The following AQP12B variants were observed in gnomAD, a reference collection of about 807,000 sequenced individuals.
AQP12B encodes putative aquaporin-12B.
AQP12B carries 8 observed loss-of-function variants against 11.5 expected under a neutral mutation model. The observed-to-expected ratio is 0.70, with a 90% confidence interval of 0.41 to 1.26. AQP12B has a LOEUF of 1.26. Ranked by LOEUF, AQP12B falls within the 50% of genes most tolerant of loss-of-function variation. The pLI is 0.01. For missense variants in AQP12B, 247 were observed against 322.0 expected, an observed-to-expected ratio of 0.77 and a Z score of 1.78; for synonymous variants, 123 against 158.0, an observed-to-expected ratio of 0.78 and a Z score of 1.66.
At position 240,682,876 on chromosome 2, in the gene AQP12B, C is replaced by G; in HGVS notation, c.-39G>C. 2 of 1,564,750 alleles carry G rather than the reference C, an allele frequency of 1.3e-6. No homozygotes were observed. Among genetic ancestry groups the G allele is most frequent in the Non-Finnish European group, 1.7e-6 (2 of 1,153,052 alleles). On this transcript the variant is annotated 5_prime_UTR_variant, in exon 1 of 3. Transcript: ENST00000407834. ...CCGAGATGCTGTGCCTGCAGGACACCTGAGGGGACAGAGCAGGAGCTGGCC... is the reference window on the plus strand; with the variant it reads ...CCGAGATGCTGTGCCTGCAGGACACGTGAGGGGACAGAGCAGGAGCTGGCC...
At chr2:240,683,265 A>C (rs1427423948), upstream of AQP12B, among the ~76,000 whole-genome samples, 1 of 148,040 alleles carries the variant, frequency 6.8e-6, no homozygotes. Context: ...CTGCCTGAAC[A>C]AGGGCCCCCA....
In AQP12B at chr2:240,682,714, C is replaced by T. The variant is rs550046466; in HGVS notation, c.124G>A (p.Val42Met). ...GAYEVFAREAVGAVQLGACFL... is the reference protein window; with the variant it reads ...GAYEVFAREAMGAVQLGACFL... ...CAGGCCCCGAGCTGCACCGCGCCCA[C>T]CGCCTCCCGGGCGAAGACTTCATAG... The change falls in exon 1 of 3, where the codon GTG (valine) becomes ATG (methionine). Residue 42 changes from valine to methionine, a missense_variant. By Grantham distance (21) the Val-to-Met change is conservative (BLOSUM62 1). This residue lies in a region of AQP12B where 206 missense variants were observed against 173.2 expected (regional missense o/e 1.19). Transcript: ENST00000407834. The T allele has an allele frequency of 1.9e-6, 3 of 1,613,524 alleles. No individual in the cohort carries two copies. The African/African-American group carries it at 4.0e-5, about 22-fold the overall frequency.
At chr2:240,682,935 G>A (rs1205489787), upstream of AQP12B, 6 of 1,503,882 alleles carry the variant, frequency 4.0e-6, no homozygotes, top group Admixed American at 5.6e-5. Flanking sequence ...AGGCGTGTGG[G>A]AGAGGGCACC....
At position 240,682,650 on chromosome 2, in the gene AQP12B, C is replaced by G. The variant is rs1242543117; in HGVS notation, c.188G>C (p.Trp63Ser). The change falls in exon 1 of 3, where the codon TGG becomes TCG. Residue 63 changes from tryptophan to serine, a missense_variant. By Grantham distance (177) the Trp-to-Ser change is radical (BLOSUM62 -3). Transcript: ENST00000407834. ...EMRTLVELGPWAGDFGPDLLL... is the reference protein window; with the variant it reads ...EMRTLVELGPSAGDFGPDLLL... ...CAGGTCAGGCCCAAAGTCCCCAGCC[C>G]AGGGCCCGAGCTCGACCAGCGTCCT... 4 of 1,613,494 alleles carry G rather than the reference C, an allele frequency of 2.5e-6. No individual in the cohort carries two copies. The African/African-American group carries it at 4.0e-5, about 16-fold the overall frequency.
chr2:240,682,789 G>T lies in AQP12B; in HGVS notation c.49C>A (p.Leu17Ile). The T allele has an allele frequency of 6.2e-7, 1 of 1,608,352 alleles. No individual in the cohort carries two copies. The highest frequency in any genetic ancestry group is 8.5e-7 in the Non-Finnish European group (1 of 1,177,416). Residue 17 changes from leucine (L) to isoleucine (I), a missense_variant, in exon 1 of 3, where the codon CTC becomes ATC. Transcript: ENST00000407834. ...SLSFFFATFTLCEAARRASKA... is the reference protein window; with the variant it reads ...SLSFFFATFTICEAARRASKA... ...GAGGCCCGCCTGGCTGCCTCACAGA[G>T]GGTGAAGGTGGCAAAGAAGAAGGAG...
chr2:240,682,664 G>C lies in AQP12B; in HGVS notation c.174C>G (p.Val58=), dbSNP rs200034703. 9 of 1,613,474 alleles carry C rather than the reference G, an allele frequency of 5.6e-6. No homozygotes were observed. Among genetic ancestry groups the C allele is most frequent in the African/African-American group, 1.3e-5 (1 of 75,020 alleles). ...AGTCCCCAGCCCAGGGCCCGAGCTC[G>C]ACCAGCGTCCTCATCTCCAGGAAGC... The part of the protein sequence containing the change: ...GACFLEMRTL[V]ELGPWAGDFG... The change falls in exon 1 of 3, where the codon GTC becomes GTG. Residue 58 remains valine (V), a synonymous_variant. Transcript: ENST00000407834.
chr2:240,683,108 G>T (rs1167380326), upstream of AQP12B, among the ~76,000 whole-genome samples: 1 of 151,230 alleles, frequency 6.6e-6, no homozygotes, highest in Non-Finnish European at 1.5e-5. Context: ...AGCCCTGGGC[G>T]CTGGAGACTG....
upstream of AQP12B, among the ~76,000 whole-genome samples, chr2:240,683,143 C>T (rs532674264): frequency 1.4e-4 from 21 of 151,120 alleles, no homozygotes; most frequent in East Asian, 3.1e-3. Context: ...AGCCTCCATC[C>T]GAGCTCCGCT....
rs1215338305 is a variant in AQP12B, at chr2:240,682,777, C to A, written c.61G>T (p.Ala21Ser). ...AGCAGGGCCTTGGAGGCCCGCCTGGCTGCCTCACAGAGGGTGAAGGTGGCA... is the reference window on the plus strand; with the variant it reads ...AGCAGGGCCTTGGAGGCCCGCCTGGATGCCTCACAGAGGGTGAAGGTGGCA... Reference protein sequence around the residue: ...FFATFTLCEAARRASKALLPV... With the variant: ...FFATFTLCEASRRASKALLPV... The change falls in exon 1 of 3, where the codon GCC becomes TCC. Residue 21 changes from alanine (A) to serine (S), a missense_variant. Ala to Ser is a moderately conservative substitution (Grantham distance 99). This residue lies in a region of AQP12B where 206 missense variants were observed against 173.2 expected (regional missense o/e 1.19). Coordinates refer to ENST00000407834, the MANE Select transcript of AQP12B (RefSeq NM_001102467.2). 16 of 1,610,366 alleles carry A rather than the reference C, an allele frequency of 9.9e-6. No homozygotes were observed. Among genetic ancestry groups the A allele is most frequent in the Non-Finnish European group, 1.4e-5 (16 of 1,178,822 alleles).
upstream of AQP12B, among the ~76,000 whole-genome samples, chr2:240,683,116 C>T (rs1257056869): frequency 6.6e-6 from 1 of 151,248 alleles, no homozygotes; most frequent in African/African-American, 2.4e-5. Context: ...GCGCTGGAGA[C>T]TGGCCCAGCT....
upstream of AQP12B, among the ~76,000 whole-genome samples, chr2:240,683,553 G>A (rs1479796880): frequency 5.3e-5 from 8 of 151,680 alleles, no homozygotes; most frequent in African/African-American, 7.3e-5. Context: ...ACGTGGCTGC[G>A]TCCCTGCCTA....
chr2:240,682,470 T>G lies in AQP12B; in HGVS notation c.368A>C (p.Gln123Pro), dbSNP rs2043941190. 6.2e-7 allele frequency: 1 copy of G among 1,610,708 alleles called. No homozygotes were observed. The highest frequency in any genetic ancestry group is 1.1e-5 in the South Asian group (1 of 90,992). ...LKLAAQGLGM[Q>P]AACTLTRLCW... is the part of the protein sequence containing the mutation. Reference sequence around the variant, plus strand: ...GAGGCGCGTCAGGGTGCAGGCGGCCTGCATGCCCAGCCCCTGTGCCGCCAG... The same window carrying G: ...GAGGCGCGTCAGGGTGCAGGCGGCCGGCATGCCCAGCCCCTGTGCCGCCAG... The change falls in exon 1 of 3, where the codon CAG becomes CCG. Residue 123 changes from glutamine to proline, a missense_variant. By Grantham distance (76) the Gln-to-Pro change is moderately conservative. This residue lies in a region of AQP12B where 206 missense variants were observed against 173.2 expected (regional missense o/e 1.19). Coordinates refer to ENST00000407834, the MANE Select transcript of AQP12B (RefSeq NM_001102467.2).
upstream of AQP12B, among the ~76,000 whole-genome samples, chr2:240,683,094 G>C (rs1173093084): frequency 6.6e-6 from 1 of 151,286 alleles, no homozygotes; most frequent in South Asian, 2.2e-4. Context: ...GGCCACGCTC[G>C]GCCAGCCCTG....
upstream of AQP12B, among the ~76,000 whole-genome samples, chr2:240,683,537 C>T (rs1260958147): frequency 3.3e-5 from 5 of 152,042 alleles, no homozygotes; most frequent in African/African-American, 1.2e-4. Context: ...AGGCCAGGCC[C>T]CCTGCACGTG....
At chr2:240,683,394 C>T (rs1211523722), upstream of AQP12B, among the ~76,000 whole-genome samples, 1 of 138,772 alleles carries the variant, frequency 7.2e-6, no homozygotes, top group Non-Finnish European at 1.7e-5. Flanking sequence ...GTGTGTCCGC[C>T]TGGGAGGCCC....
intron 1 of AQP12B, among the ~76,000 whole-genome samples, chr2:240,681,501 C>G (rs201435186): frequency 0.18 from 11,445 of 63,332 alleles, 1,725 homozygotes; most frequent in East Asian, 0.3. Flanking sequence ...ATTAGGACCT[C>G]GGACCCCCGG....
rs773680074 is a variant in AQP12B at position 240,682,782 on chromosome 2, T to C, written c.56A>G (p.Glu19Gly). The C allele has an allele frequency of 6.2e-7, 1 of 1,609,046 alleles. No individual in the cohort carries two copies. Among genetic ancestry groups the C allele is most frequent in the Non-Finnish European group, 8.5e-7 (1 of 1,178,016 alleles). The change falls in exon 1 of 3, where the codon GAG (glutamate) becomes GGG (glycine). Residue 19 changes from glutamate to glycine, a missense_variant. Around this residue, in one of 4 missense-constraint regions of AQP12B, gnomAD observed 206 missense variants for 173.2 expected, o/e 1.19. Coordinates refer to ENST00000407834, the MANE Select transcript of AQP12B (RefSeq NM_001102467.2). ...GGCCTTGGAGGCCCGCCTGGCTGCC[T>C]CACAGAGGGTGAAGGTGGCAAAGAA... is the stretch of plus-strand genomic sequence containing the variant. ...SFFFATFTLC[E>G]AARRASKALL...
upstream of AQP12B, among the ~76,000 whole-genome samples, chr2:240,683,443 T>C (rs537664908): frequency 1.3e-5 from 2 of 151,512 alleles, no homozygotes; most frequent in African/African-American, 4.9e-5. Flanking sequence ...CCAGCCTAGG[T>C]GAAGCTCCCT....
At chr2:240,683,753 C>T (rs1217888937), upstream of AQP12B, among the ~76,000 whole-genome samples, 2 of 146,320 alleles carry the variant, frequency 1.4e-5, no homozygotes, top group African/African-American at 5.1e-5. Context: ...CCTGTACTGC[C>T]CTCACCTGCC....
Sources: allele counts gnomAD v4.1 joint callset (sites outside exome capture counted in the v4.1 genomes callset), GRCh38; gene constraint gnomAD v4.1.1; regional missense constraint gnomAD v4.1.1; transcripts MANE v1.5; gene names NCBI Gene and HGNC (gene_info 2026-07-23, HGNC 2026-07-21).